GPR161: variants seen among roughly 807,000 people sequenced by gnomAD.
GPR161 encodes the protein G-protein coupled receptor RE2.
In GPR161, 25 loss-of-function variants were observed where a neutral mutation model predicts 39.2. The ratio of observed to expected loss-of-function variants is 0.64; its 90% CI spans 0.47 to 0.89. GPR161 has a LOEUF of 0.89. Ranked by LOEUF, GPR161 falls within the 40% of genes least tolerant of loss-of-function variation. The probability of loss-of-function intolerance (pLI) is 0.00; values close to 1 mark genes in which losing one functional copy is unlikely to be tolerated. For missense variants in GPR161, 547 were observed against 677.8 expected, an observed-to-expected ratio of 0.81 and a Z score of 2.14; for synonymous variants, 286 against 276.6, an observed-to-expected ratio of 1.03 and a Z score of -0.34.
At chr1:168,088,248 G>C (rs1419999456) in intron 4 of GPR161, 1 of 153,286 alleles carries the variant, frequency 6.5e-6, no homozygotes, top group Non-Finnish European at 1.5e-5. Flanking sequence ...ACTAGAGATA[G>C]GTGGGCAGAG....
At chr1:168,133,354 G>T (rs549400696) in intron 1 of GPR161, among the ~76,000 whole-genome samples, 1 of 152,166 alleles carries the variant, frequency 6.6e-6, no homozygotes, top group South Asian at 2.1e-4. Context: ...TTGACCCACA[G>T]ATCCCACGTC....
chr1:168,133,902 T>C (rs1295038479), intron 1 of GPR161: 29 of 969,610 alleles, frequency 3.0e-5, no homozygotes, highest in Non-Finnish European at 3.6e-5. Flanking sequence ...GGTGACCATA[T>C]TGAGCACACT....
intron 1 of GPR161, among the ~76,000 whole-genome samples, chr1:168,121,062 T>A (rs994548957): frequency 6.6e-5 from 10 of 152,190 alleles, no homozygotes; most frequent in African/African-American, 2.4e-4. Context: ...AGGGATTGGA[T>A]GAAGGAAGCC....
At position 168,098,944 on chromosome 1, in the gene GPR161, G is replaced by A. The variant is rs1228563427; in HGVS notation, c.375-1712C>T. The stretch of plus-strand genomic sequence containing the variant: ...AGCTATGTGACCTCAGCTAATTGAT[G>A]TAACCTCTCAGAGCTTCAGTTCCCT... On this transcript the variant is annotated intron_variant, in intron 2 of 5. Coordinates refer to ENST00000682931, the MANE Select transcript of GPR161 (RefSeq NM_001375883.1). The surrounding 1 kb of genome is among the most constrained non-coding windows in gnomAD (Gnocchi z 4.1). Among the ~76,000 whole-genome samples, 5 of 152,198 alleles carry A rather than the reference G, an allele frequency of 3.3e-5. No individual in the cohort carries two copies. Among genetic ancestry groups the A allele is most frequent in the African/African-American group, 4.8e-5 (2 of 41,450 alleles).
chr1:168,115,931 A>G (rs929629639), intron 1 of GPR161, among the ~76,000 whole-genome samples: 1 of 151,664 alleles, frequency 6.6e-6, no homozygotes, highest in African/African-American at 2.4e-5. Context: ...GCCCGCCACC[A>G]CGCCCGGCTA....
At chr1:168,090,519 A>C in intron 4 of GPR161, 45 bp downstream of exon 4, 1 of 1,157,310 alleles carries the variant, frequency 8.6e-7, no homozygotes, top group South Asian at 1.3e-5. Context: ...AACGCAACAC[A>C]GGGAAAACGC....
intron 1 of GPR161, among the ~76,000 whole-genome samples, chr1:168,134,485 T>C (rs1437389258): frequency 6.6e-6 from 1 of 152,146 alleles, no homozygotes; most frequent in Admixed American, 6.5e-5. Flanking sequence ...CTATCTCTAG[T>C]TCTGTTGATG....
chr1:168,116,403 A>C (rs1353434656), intron 1 of GPR161, among the ~76,000 whole-genome samples: 2 of 151,938 alleles, frequency 1.3e-5, no homozygotes, highest in Admixed American at 1.3e-4. Flanking sequence ...ATCTGGCCAT[A>C]CTCTCAGGGC....
intron 1 of GPR161, among the ~76,000 whole-genome samples, chr1:168,129,361 C>T (rs1227955078): frequency 1.3e-5 from 2 of 152,098 alleles, no homozygotes; most frequent in South Asian, 2.1e-4. Flanking sequence ...TGGAGACAGT[C>T]GGGGGCCAGA....
rs77811011 is a variant in GPR161 at position 168,098,078 on chromosome 1, G to A, written c.375-846C>T. Among the ~76,000 whole-genome samples, 147 of 152,256 alleles carry A rather than the reference G, an allele frequency of 9.7e-4. No homozygotes were observed. Among genetic ancestry groups the A allele is most frequent in the African/African-American group, 3.5e-3 (144 of 41,556 alleles). ...GGCAGGCTTCTGGTCCAGCACAGAG[G>A]GTCACAGCAGGCTCCTGTTGGAGGT... On this transcript the variant is annotated intron_variant, in intron 2 of 5. Transcript: ENST00000682931. The surrounding 1 kb of genome is among the most constrained non-coding windows in gnomAD (Gnocchi z 4.1).
chr1:168,096,047 T>C (rs912787380), intron 3 of GPR161, among the ~76,000 whole-genome samples: 1 of 139,886 alleles, frequency 7.1e-6, no homozygotes, highest in Admixed American at 8.1e-5. Context: ...GGCACGAGGA[T>C]CACTTGAATC....
intron 1 of GPR161, among the ~76,000 whole-genome samples, chr1:168,127,456 A>G (rs2102251879): frequency 6.6e-6 from 1 of 152,108 alleles, no homozygotes; most frequent in Admixed American, 6.5e-5. Flanking sequence ...TGCACTCCAG[A>G]TTCGGTGATG....
intron 1 of GPR161, among the ~76,000 whole-genome samples, chr1:168,108,506 A>AAAAAAAAAAAAC (rs1558117111): frequency 6.8e-6 from 1 of 147,004 alleles, no homozygotes; most frequent in African/African-American, 2.5e-5. Flanking sequence ...AAAAAAAAAA[A>AAAAAAAAAAAAC]AAAAAACTGG....
intron 1 of GPR161, 143 bp downstream of exon 1, chr1:168,136,596 G>A (rs1289311131): frequency 9.7e-6 from 12 of 1,232,966 alleles, no homozygotes; most frequent in Non-Finnish European, 1.2e-5. Context: ...AGGGGCGCGG[G>A]GAGAAAGGGA....
At chr1:168,090,098 G>A (rs1694904972) in intron 4 of GPR161, among the ~76,000 whole-genome samples, 1 of 152,190 alleles carries the variant, frequency 6.6e-6, no homozygotes, top group Non-Finnish European at 1.5e-5. Context: ...CAGCTGCCCT[G>A]TAATGGGGAT....
At chr1:168,087,548 C>T (rs1235064973) in intron 5 of GPR161, 37 bp downstream of exon 5, 1 of 1,612,050 alleles carries the variant, frequency 6.2e-7, no homozygotes, top group East Asian at 2.2e-5. Flanking sequence ...TTCCGTTTCC[C>T]TATGTTTTCT....
At chr1:168,126,100 T>C (rs1220365901) in intron 1 of GPR161, among the ~76,000 whole-genome samples, 1 of 152,212 alleles carries the variant, frequency 6.6e-6, no homozygotes, top group Non-Finnish European at 1.5e-5. Flanking sequence ...TAGATGCTAT[T>C]GCGGTCAATA....
intron 1 of GPR161, among the ~76,000 whole-genome samples, chr1:168,129,583 A>G (rs1032317697): frequency 1.3e-5 from 2 of 152,224 alleles, no homozygotes; most frequent in East Asian, 3.9e-4. Flanking sequence ...GGCTTGGACC[A>G]GGGTCATGGT....
At position 168,083,070 on chromosome 1, in the gene GPR161, T is replaced by C. The variant is rs1262501308; in HGVS notation, c.*2461A>G. 4 of 152,252 alleles carry C rather than the reference T, an allele frequency of 2.6e-5. No homozygotes were observed. Among genetic ancestry groups the C allele is most frequent in the African/African-American group, 9.6e-5 (4 of 41,452 alleles). The allele number at this position is 152,252 out of a possible 1,614,324, so 9.4% of individuals were successfully genotyped here. ...TACCCACCTCCCTCTGAAGCCACAC[T>C]TCTTTCTATAACCACGACTTGACTT... On this transcript the variant is annotated 3_prime_UTR_variant, in exon 6 of 6. Transcript: ENST00000682931.
Sources: gnomAD v4.1 joint callset for allele counts (sites outside exome capture counted in the v4.1 genomes callset) on GRCh38, gnomAD v4.1.1 for gene constraint, Gnocchi (gnomAD v3.1) non-coding constraint, MANE v1.5 for transcripts, NCBI Gene and HGNC (gene_info 2026-07-23, HGNC 2026-07-21) for gene names.